Variants in AUTS2 observed in about 807,000 individuals in gnomAD.
The protein encoded by AUTS2 is activator of transcription and developmental regulator AUTS2.
AUTS2 carries 17 observed loss-of-function variants against 112.4 expected under a neutral mutation model. The observed-to-expected ratio is 0.15, with a 90% CI of 0.10 to 0.23. The LOEUF (loss-of-function observed/expected upper bound fraction) is 0.23. Among genes scored for constraint, AUTS2 ranks in the 10% least tolerant of loss-of-function variants. AUTS2 has a pLI of 1.00. For synonymous variants in AUTS2, 751 were observed against 702.7 expected (o/e 1.07, Z -1.09); for missense variants, 1,510 against 1,701.6 (o/e 0.89, Z 1.98).
At chr7:70,324,823 G>A (rs1191087340) in intron 4 of AUTS2, among the ~76,000 whole-genome samples, 2 of 152,246 alleles carry the variant, frequency 1.3e-5, no homozygotes, top group Non-Finnish European at 2.9e-5. Flanking sequence ...GGGACTTATT[G>A]CAGTTGCTAT....
rs144219114 is a variant in AUTS2, at chr7:69,964,320, C to G, written c.522+64822C>G. 3.0e-4 allele frequency among the ~76,000 whole-genome samples: 46 copies of G among 152,284 alleles called. No homozygotes were observed. In the East Asian group the frequency reaches 6.4e-3, roughly 21 times the overall value. On this transcript the variant is annotated intron_variant, in intron 2 of 18. Transcript: ENST00000342771. ...GTGTTTGATCCAGGTCAGTTCGCAG[C>G]CTGGAAGGCACAGCCTTTTCCAGGA... is the stretch of plus-strand genomic sequence containing the variant.
At chr7:69,900,719 A>G (rs1426133400) in intron 2 of AUTS2, among the ~76,000 whole-genome samples, 4 of 152,212 alleles carry the variant, frequency 2.6e-5, no homozygotes, top group Non-Finnish European at 4.4e-5. Context: ...GTAGTGAAGC[A>G]TATAATCCTG....
At chr7:70,500,563 G>A (rs1437663361) in intron 5 of AUTS2, among the ~76,000 whole-genome samples, 1 of 152,110 alleles carries the variant, frequency 6.6e-6, no homozygotes, top group African/African-American at 2.4e-5. Flanking sequence ...TCCATTCAGG[G>A]GCGGGATGAA....
At chr7:69,899,008 A>C (rs983322337) in intron 1 of AUTS2, among the ~76,000 whole-genome samples, 1 of 152,230 alleles carries the variant, frequency 6.6e-6, no homozygotes, top group Non-Finnish European at 1.5e-5. Flanking sequence ...GAAAGCTGCT[A>C]TCCCAGGGAG....
At chr7:69,608,479 G>A (rs1562755308) in intron 1 of AUTS2, among the ~76,000 whole-genome samples, 1 of 152,292 alleles carries the variant, frequency 6.6e-6, no homozygotes, top group East Asian at 1.9e-4. Context: ...TTTCTTAGTT[G>A]TTATGTTGAA....
At chr7:70,356,139 C>G (rs1791998249) in intron 4 of AUTS2, among the ~76,000 whole-genome samples, 1 of 152,168 alleles carries the variant, frequency 6.6e-6, no homozygotes, top group African/African-American at 2.4e-5. Flanking sequence ...GAAATTTTGG[C>G]TCCTCTGGGA....
chr7:69,963,041 G>A (rs1430707523), intron 2 of AUTS2, among the ~76,000 whole-genome samples: 4 of 152,092 alleles, frequency 2.6e-5, no homozygotes, highest in Admixed American at 2.0e-4. Context: ...TTTTTGTGCA[G>A]CTGAAGCAAT....
At chr7:69,895,548 C>CG (rs1037104585) in intron 1 of AUTS2, among the ~76,000 whole-genome samples, 2,305 of 146,118 alleles carry the variant, frequency 0.016, 85 homozygotes, top group African/African-American at 0.051. Context: ...CTTCTTCCCC[C>CG]CCCCCGAGTG....
intron 4 of AUTS2, among the ~76,000 whole-genome samples, chr7:70,304,585 A>C (rs1789400086): frequency 1.3e-5 from 2 of 152,158 alleles, no homozygotes; most frequent in Non-Finnish European, 1.5e-5. Context: ...AATCCTGTGA[A>C]TACATCTTGC....
chr7:70,717,243 G>C (rs1174880656), intron 6 of AUTS2, among the ~76,000 whole-genome samples: 1 of 151,946 alleles, frequency 6.6e-6, no homozygotes, highest in Non-Finnish European at 1.5e-5. Flanking sequence ...ACACCGTCTT[G>C]CTATGTTGCC....
Position 69,726,682 on chromosome 7 carries a change from CTTG to C in AUTS2, c.309+126726_309+126728del, listed in dbSNP as rs570588202. The stretch of plus-strand genomic sequence containing the variant: ...TTCCCTCCTGCATTGTATGAGAGTT[CTTG>C]TTGTTCCATACTGTCAAACATTTGG... On this transcript the variant is annotated intron_variant, in intron 1 of 18. Coordinates refer to ENST00000342771, the MANE Select transcript of AUTS2 (RefSeq NM_015570.4). Among the ~76,000 whole-genome samples, 341 of 152,196 alleles carry C rather than the reference CTTG, an allele frequency of 2.2e-3. 1 individual carries two copies. Among genetic ancestry groups the C allele is most frequent in the Non-Finnish European group, 3.5e-3 (238 of 67,992 alleles).
chr7:70,516,533 G>T (rs1799425077), intron 5 of AUTS2, among the ~76,000 whole-genome samples: 1 of 152,170 alleles, frequency 6.6e-6, no homozygotes, highest in South Asian at 2.1e-4. Context: ...ATGAATCTCA[G>T]CTGTCCCTTC....
intron 1 of AUTS2, among the ~76,000 whole-genome samples, chr7:69,733,957 A>G (rs1056880788): frequency 6.6e-6 from 1 of 152,152 alleles, no homozygotes; most frequent in Non-Finnish European, 1.5e-5. Context: ...TTTAAATGAG[A>G]CTTATTCAAC....
intron 1 of AUTS2, among the ~76,000 whole-genome samples, chr7:69,667,291 T>C (rs1796097689): frequency 6.6e-6 from 1 of 152,166 alleles, no homozygotes; most frequent in African/African-American, 2.4e-5. Context: ...AATGTGAGTT[T>C]TGGAGCAGAT....
At chr7:70,000,753 A>G (rs1369070833) in intron 2 of AUTS2, among the ~76,000 whole-genome samples, 1 of 152,228 alleles carries the variant, frequency 6.6e-6, no homozygotes, top group East Asian at 1.9e-4. Context: ...CCCATATCCA[A>G]CCTTTCTCTC....
At chr7:70,508,741 G>A (rs1042755587) in intron 5 of AUTS2, among the ~76,000 whole-genome samples, 2 of 152,190 alleles carry the variant, frequency 1.3e-5, no homozygotes, top group Non-Finnish European at 2.9e-5. Flanking sequence ...GCATTTAACT[G>A]TATAGTTAGT....
chr7:70,573,490 T>G (rs568218485), intron 5 of AUTS2, among the ~76,000 whole-genome samples: 32 of 152,204 alleles, frequency 2.1e-4, no homozygotes, highest in Non-Finnish European at 3.5e-4. Flanking sequence ...TTTGATTAAC[T>G]GGAAAATGAG....
intron 5 of AUTS2, among the ~76,000 whole-genome samples, chr7:70,616,614 C>A (rs2129535498): frequency 6.6e-6 from 1 of 152,262 alleles, no homozygotes; most frequent in East Asian, 1.9e-4. Flanking sequence ...GCTCTGCACA[C>A]CATATGTGGT....
chr7:69,806,197 CTTTTTTTTTTTTTTTTTT>C (rs56704400), intron 1 of AUTS2, among the ~76,000 whole-genome samples: 2 of 55,010 alleles, frequency 3.6e-5, no homozygotes, highest in Admixed American at 2.5e-4. Context: ...CCAGCCAAGG[CTTTTTTTTTTTTTTTTTT>C]TTTTTTTTTT....
Sources: allele counts gnomAD v4.1 joint callset (sites outside exome capture counted in the v4.1 genomes callset), GRCh38; gene constraint gnomAD v4.1.1; transcripts MANE v1.5; gene names NCBI Gene and HGNC (gene_info 2026-07-23, HGNC 2026-07-21).